The following DHX32 variants were observed in gnomAD, a reference collection of about 807,000 sequenced individuals.
The protein encoded by DHX32 is DEAH-box helicase 32 (putative), also known as putative pre-mRNA-splicing factor ATP-dependent RNA helicase DHX32.
In DHX32, 51 loss-of-function variants were observed where a neutral mutation model predicts 70.0. The ratio of observed to expected loss-of-function variants is 0.73; its 90% CI spans 0.58 to 0.92. The LOEUF is 0.92. Ranked by LOEUF, DHX32 falls within the 40% of genes least tolerant of loss-of-function variation. The probability of loss-of-function intolerance (pLI) is 0.00; values close to 1 mark genes in which losing one functional copy is unlikely to be tolerated. For missense variants in DHX32, 762 were observed against 891.8 expected, an observed-to-expected ratio of 0.85 and a Z score of 1.85; for synonymous variants, 310 against 315.3, an observed-to-expected ratio of 0.98 and a Z score of 0.18.
At chr10:125,879,170 C>G (rs927694001) in intron 1 of DHX32, among the ~76,000 whole-genome samples, 3 of 147,512 alleles carry the variant, frequency 2.0e-5, no homozygotes, top group African/African-American at 7.5e-5. Flanking sequence ...ACCACAGGCA[C>G]GCACCACCAT....
intron 2 of DHX32, among the ~76,000 whole-genome samples, chr10:125,862,209 G>A (rs1321367822): frequency 1.3e-5 from 2 of 152,194 alleles, no homozygotes; most frequent in African/African-American, 4.8e-5. Flanking sequence ...CCTTGGCCTT[G>A]TAGTTTTGGT....
chr10:125,849,668 G>A (rs979367813), intron 6 of DHX32, among the ~76,000 whole-genome samples: 4 of 152,196 alleles, frequency 2.6e-5, no homozygotes, highest in African/African-American at 9.7e-5. Context: ...CAGAGCTATG[G>A]GGAGGGCCAC....
rs1383321741 is a variant in DHX32 at position 125,859,874 on chromosome 10, G to A, written c.578C>T (p.Ala193Val). 3 of 1,614,014 alleles carry A rather than the reference G, an allele frequency of 1.9e-6. No homozygotes were observed. The highest frequency in any genetic ancestry group is 2.5e-6 in the Non-Finnish European group (3 of 1,179,976). ...ILDDIHERSI[A>V]TDVLLGLLKD... ...AAGAAGTCCAAGTAACACATCAGTT[G>A]CAATGCTTCTTTCATGAATATCATC... The change falls in exon 3 of 11, where the codon GCA becomes GTA. Residue 193 changes from alanine (A) to valine (V), a missense_variant. By Grantham distance (64) the Ala-to-Val change is moderately conservative. Transcript: ENST00000284690.
At chr10:125,879,766 C>T (rs976335391) in intron 1 of DHX32, among the ~76,000 whole-genome samples, 3 of 152,170 alleles carry the variant, frequency 2.0e-5, no homozygotes, top group East Asian at 1.9e-4. Flanking sequence ...ATTCTCTCAC[C>T]TCAGCCTCCC....
At position 125,866,208 on chromosome 10, in the gene DHX32, C is replaced by T. The variant is rs1944219389; in HGVS notation, c.476+782G>A. ...GGTACTGTATGGATACTATCACTTTCTATGATGGCTGTAATATAAAGGTGC... is the reference window on the plus strand; with the variant it reads ...GGTACTGTATGGATACTATCACTTTTTATGATGGCTGTAATATAAAGGTGC... On this transcript the variant is annotated intron_variant, in intron 2 of 10. Coordinates refer to ENST00000284690, the MANE Select transcript of DHX32 (RefSeq NM_018180.3). The surrounding 1 kb of genome is among the most constrained non-coding windows in gnomAD (Gnocchi z 4.8). Among the ~76,000 whole-genome samples, 1 of 152,240 alleles carries T rather than the reference C, an allele frequency of 6.6e-6. No homozygotes were observed. The highest frequency in any genetic ancestry group is 1.5e-5 in the Non-Finnish European group (1 of 68,044).
chr10:125,852,148 C>T (rs762274643), intron 6 of DHX32, 145 bp downstream of exon 6: 4 of 1,001,660 alleles, frequency 4.0e-6, no homozygotes, highest in East Asian at 2.6e-5. Flanking sequence ...ATGTTTACCT[C>T]TAGCAGGAAA....
chr10:125,844,418 C>T (rs1325465916), intron 6 of DHX32, among the ~76,000 whole-genome samples: 1 of 152,226 alleles, frequency 6.6e-6, no homozygotes, highest in Non-Finnish European at 1.5e-5. Context: ...TTCATTTTTA[C>T]ACCCTGGAGT....
rs1854690890 is a variant in DHX32, at chr10:125,836,534, T to A, written c.*153A>T. 2 of 1,331,988 alleles carry A rather than the reference T, an allele frequency of 1.5e-6. No individual in the cohort carries two copies. The highest frequency in any genetic ancestry group is 5.2e-5 in the East Asian group (2 of 38,424). The allele number at this position is 1,331,988 out of a possible 1,614,324, so 82.5% of individuals were successfully genotyped here. On this transcript the variant is annotated 3_prime_UTR_variant, in exon 11 of 11. Coordinates refer to ENST00000284690, the MANE Select transcript of DHX32 (RefSeq NM_018180.3). ...TTAAAGAACTCAATAAAAACTTCTA[T>A]TTTTTATTTTAAAATAATATACACA...
intron 1 of DHX32, among the ~76,000 whole-genome samples, chr10:125,871,414 T>G (rs1480027122): frequency 6.6e-6 from 1 of 152,212 alleles, no homozygotes; most frequent in African/African-American, 2.4e-5. Context: ...GTGCCCAAGT[T>G]AATAGTTGAG....
intron 8 of DHX32, 48 bp from the exon 9 acceptor site, chr10:125,839,236 C>A: frequency 6.3e-7 from 1 of 1,586,244 alleles, no homozygotes; most frequent in Non-Finnish European, 8.6e-7. Context: ...TTGTCAGAAG[C>A]TCTGAAGAGC....
rs766963102 is a variant in DHX32 at position 125,859,584 on chromosome 10, T to C, written c.849+19A>G. 2 of 1,543,626 alleles carry C rather than the reference T, an allele frequency of 1.3e-6. No individual in the cohort carries two copies. The highest frequency in any genetic ancestry group is 1.4e-5 in the African/African-American group (1 of 72,440). ...ATGAAATACCTTATTACTGTAAGGT[T>C]AGAGTATCACTTACTTACTTGTTCA... On this transcript the variant is annotated intron_variant, in intron 3 of 10. Coordinates refer to ENST00000284690, the MANE Select transcript of DHX32 (RefSeq NM_018180.3).
At chr10:125,853,667 A>C (rs1315589794) in intron 4 of DHX32, 1 of 298,302 alleles carries the variant, frequency 3.4e-6, no homozygotes, top group Non-Finnish European at 6.1e-6. Flanking sequence ...CTAAAGAAAA[A>C]ATACTATTAA....
rs200489268 is a variant in DHX32 at position 125,867,223 on chromosome 10, A to G, written c.283-40T>C. ...AATGAGACAGGATCAGCTTCTGCTGAAAACAAAACAAGAGACATCTCTGTC... is the reference window on the plus strand; with the variant it reads ...AATGAGACAGGATCAGCTTCTGCTGGAAACAAAACAAGAGACATCTCTGTC... On this transcript the variant is annotated intron_variant, in intron 1 of 10. Transcript: ENST00000284690. The G allele has an allele frequency of 4.0e-5, 61 of 1,507,774 alleles. 1 individual carries two copies. In the Middle Eastern group the frequency reaches 1.4e-3, roughly 34 times the overall value. The allele number at this position is 1,507,774 out of a possible 1,614,324, so 93.4% of individuals were successfully genotyped here. A position where few individuals can be genotyped will look rare whatever the true frequency, so the allele number is the denominator to read the frequency against.
At chr10:125,843,655 C>T (rs996417492) in intron 6 of DHX32, among the ~76,000 whole-genome samples, 36 of 152,214 alleles carry the variant, frequency 2.4e-4, no homozygotes, top group African/African-American at 8.7e-4. Context: ...TGATAAAATT[C>T]CTCCATTCCT....
intron 1 of DHX32, among the ~76,000 whole-genome samples, chr10:125,872,008 A>G (rs1345068540): frequency 1.3e-5 from 2 of 151,908 alleles, no homozygotes; most frequent in African/African-American, 2.4e-5. Context: ...GATTACAGGC[A>G]CGCACCAGCA....
chr10:125,870,068 T>C (rs1944247025), intron 1 of DHX32, among the ~76,000 whole-genome samples: 1 of 151,890 alleles, frequency 6.6e-6, no homozygotes, highest in Admixed American at 6.6e-5. Context: ...GAACAGGAAA[T>C]TGGAAAGTAA....
At chr10:125,856,944 G>A (rs1388375814) in intron 3 of DHX32, among the ~76,000 whole-genome samples, 1 of 152,208 alleles carries the variant, frequency 6.6e-6, no homozygotes, top group Non-Finnish European at 1.5e-5. Flanking sequence ...AACATAGTGA[G>A]GTCCTGTCTC....
chr10:125,889,113 T>A lies in DHX32; in HGVS notation c.-248+7105A>T, dbSNP rs569156369. Reference sequence around the variant, plus strand: ...GGTAGCAGCTCAGCAAAAGGAAACATCCGTCTATATTGAAATCTTTGGAAC... The same window carrying A: ...GGTAGCAGCTCAGCAAAAGGAAACAACCGTCTATATTGAAATCTTTGGAAC... On this transcript the variant is annotated intron_variant, in intron 1 of 2. Transcript: ENST00000415732. Among the ~76,000 whole-genome samples, 7 of 152,308 alleles carry A rather than the reference T, an allele frequency of 4.6e-5. No homozygotes were observed. In the South Asian group the frequency reaches 6.2e-4, roughly 14 times the overall value.
At chr10:125,893,411 T>G (rs79608727) in intron 1 of DHX32, among the ~76,000 whole-genome samples, 1 of 152,136 alleles carries the variant, frequency 6.6e-6, no homozygotes, top group South Asian at 2.1e-4. Context: ...GCCCGGCTAA[T>G]TTTTTGTATT....
Sources: gnomAD v4.1 joint callset for allele counts (sites outside exome capture counted in the v4.1 genomes callset) on GRCh38, gnomAD v4.1.1 for gene constraint, Gnocchi (gnomAD v3.1) non-coding constraint, MANE v1.5 for transcripts, NCBI Gene and HGNC (gene_info 2026-07-23, HGNC 2026-07-21) for gene names.